The following MYO10 variants were observed in gnomAD, a reference collection of about 807,000 sequenced individuals.
MYO10 encodes the protein unconventional myosin-X.
Under a neutral mutation model 257.3 loss-of-function variants are expected in MYO10, and 133 were observed. The observed-to-expected ratio is 0.52, with a 90% CI of 0.45 to 0.60. The LOEUF (loss-of-function observed/expected upper bound fraction) is 0.60. MYO10 is among the 20% of genes least tolerant of loss of function. The pLI is 0.00. For synonymous variants in MYO10, 1,104 were observed against 1,028.6 expected, an observed-to-expected ratio of 1.07 and a Z score of -1.40; for missense variants, 2,399 against 2,635.7, an observed-to-expected ratio of 0.91 and a Z score of 1.97.
chr5:16,807,199 G>C (rs1307920125), intron 3 of MYO10, among the ~76,000 whole-genome samples: 1 of 152,054 alleles, frequency 6.6e-6, no homozygotes, highest in Non-Finnish European at 1.5e-5. Context: ...TCTTTATCTT[G>C]AGTGCAACTT....
At chr5:16,727,681 T>G (rs1280131834) in intron 19 of MYO10, among the ~76,000 whole-genome samples, 2 of 152,206 alleles carry the variant, frequency 1.3e-5, no homozygotes, top group Non-Finnish European at 2.9e-5. Context: ...TTATATTTAG[T>G]TTTCAGGGAT....
rs536635564 is a variant in MYO10, at chr5:16,888,987, AT to A, written c.22-11281del. Among the ~76,000 whole-genome samples, 56 of 152,148 alleles carry A rather than the reference AT, an allele frequency of 3.7e-4. No individual in the cohort carries two copies. The East Asian group carries it at 6.4e-3, about 17-fold the overall frequency. ...CAGAAGTTTGAGACTAGCCTGGGCA[AT>A]ATGGCAAAACCCTGTTTCTGCAAAA... On this transcript the variant is annotated intron_variant, in intron 1 of 40. Coordinates refer to ENST00000513610, the MANE Select transcript of MYO10 (RefSeq NM_012334.3).
intron 19 of MYO10, among the ~76,000 whole-genome samples, chr5:16,727,057 A>C (rs966883220): frequency 2.0e-5 from 3 of 152,344 alleles, no homozygotes; most frequent in African/African-American, 7.2e-5. Context: ...AGATAATTAC[A>C]CACCAGATTT....
At chr5:16,720,960 G>A (rs1271670568) in intron 19 of MYO10, among the ~76,000 whole-genome samples, 1 of 152,166 alleles carries the variant, frequency 6.6e-6, no homozygotes, top group African/African-American at 2.4e-5. Flanking sequence ...AATACTGTAT[G>A]TGTGGGGCAG....
chr5:16,690,567 G>T (rs1737453461), intron 27 of MYO10, among the ~76,000 whole-genome samples: 1 of 152,120 alleles, frequency 6.6e-6, no homozygotes, highest in Non-Finnish European at 1.5e-5. Flanking sequence ...TCAGGACCCA[G>T]ACAGGCCAGG....
intron 19 of MYO10, chr5:16,738,196 T>C: frequency 1.0e-6 from 1 of 985,134 alleles, no homozygotes; most frequent in Non-Finnish European, 1.2e-6. Flanking sequence ...AGTGAGAAAC[T>C]GGGGGCAGAA....
intron 33 of MYO10, among the ~76,000 whole-genome samples, chr5:16,677,291 T>A (rs1456380560): frequency 1.3e-5 from 2 of 152,176 alleles, no homozygotes; most frequent in African/African-American, 4.8e-5. Flanking sequence ...ATGGACTGAT[T>A]TAGGGTAAGT....
In MYO10 at chr5:16,670,972, C is replaced by T. The variant is rs751971031; in HGVS notation, c.5437G>A (p.Glu1813Lys). The part of the protein sequence containing the change: ...EFAFMFEQAH[E>K]AVIHGHHPAP... ...GGATGGTGGCCATGGATAACCGCTT[C>T]GTGGGCCTGAAAGGAGACAGTCAAC... is the stretch of plus-strand genomic sequence containing the variant. The change falls in exon 39 of 41, where the codon GAA becomes AAA. Residue 1813 changes from glutamate to lysine, a missense_variant. This residue lies in a region of MYO10 where 1,820 missense variants were observed against 1,939.4 expected (regional missense o/e 0.94). Transcript: ENST00000513610. 18 of 1,607,522 alleles carry T rather than the reference C, an allele frequency of 1.1e-5. No individual in the cohort carries two copies. The highest frequency in any genetic ancestry group is 1.7e-4 in the Middle Eastern group (1 of 6,058).
At position 16,666,642 on chromosome 5, in the gene MYO10, C is replaced by T; in HGVS notation, c.*50G>A. On this transcript the variant is annotated 3_prime_UTR_variant, in exon 41 of 41. Transcript: ENST00000513610. ...ATGGCACACTGGAGCCAGCCTAGGC[C>T]AGAGGGTGGTGCGTTCAGGTAGCAA... 1 of 1,485,748 alleles carries T rather than the reference C, an allele frequency of 6.7e-7. No individual in the cohort carries two copies. Among genetic ancestry groups the T allele is most frequent in the Non-Finnish European group, 9.1e-7 (1 of 1,097,202 alleles). 92.0% of individuals were successfully genotyped at this position (1,485,748 alleles called of 1,614,324 possible).
intron 1 of MYO10, among the ~76,000 whole-genome samples, chr5:16,907,746 T>C (rs559516106): frequency 9.5e-4 from 145 of 152,304 alleles, no homozygotes; most frequent in African/African-American, 3.3e-3. Flanking sequence ...GTAACTATCA[T>C]AGAAAACATA....
At position 16,669,185 on chromosome 5, in the gene MYO10, T is replaced by C. The variant is rs189625050; in HGVS notation, c.5884-717A>G. 2.0e-3 allele frequency among the ~76,000 whole-genome samples: 301 copies of C among 151,710 alleles called. 1 individual carries two copies. Among genetic ancestry groups the C allele is most frequent in the African/African-American group, 6.9e-3 (286 of 41,434 alleles). ...ATATCCCTAATAACCAGACATTCTCTGCATCCTCCATGCAAAAGCCAGTAG... is the reference window on the plus strand; with the variant it reads ...ATATCCCTAATAACCAGACATTCTCCGCATCCTCCATGCAAAAGCCAGTAG... On this transcript the variant is annotated intron_variant, in intron 39 of 40. Transcript: ENST00000513610.
At chr5:16,824,970 T>C (rs1383410360) in intron 2 of MYO10, among the ~76,000 whole-genome samples, 1 of 152,198 alleles carries the variant, frequency 6.6e-6, no homozygotes, top group Non-Finnish European at 1.5e-5. Context: ...TATTATGTCA[T>C]ATTATATTCA....
chr5:16,900,106 T>C (rs1340694714), intron 1 of MYO10, among the ~76,000 whole-genome samples: 4 of 152,040 alleles, frequency 2.6e-5, no homozygotes, highest in African/African-American at 4.8e-5. Flanking sequence ...AACACATCTG[T>C]TTCCTAAAGT....
Position 16,701,927 on chromosome 5 carries a change from C to A in MYO10, c.2557-89G>T. 2.8e-6 allele frequency: 4 copies of A among 1,424,536 alleles called. No homozygotes were observed. The South Asian group carries it at 5.7e-5, about 20-fold the overall frequency. 88.2% of individuals were successfully genotyped at this position (1,424,536 alleles called of 1,614,324 possible). A position where few individuals can be genotyped will look rare whatever the true frequency, so the allele number is the denominator to read the frequency against. On this transcript the variant is annotated intron_variant, in intron 24 of 40. Transcript: ENST00000513610. The surrounding 1 kb of genome is among the most constrained non-coding windows in gnomAD (Gnocchi z 8.1). Reference sequence around the variant, plus strand: ...CTTTGCAACCAGGATGAAATATGGTCATTATGAGTTGGACTGTGTCCCCAT... The same window carrying A: ...CTTTGCAACCAGGATGAAATATGGTAATTATGAGTTGGACTGTGTCCCCAT...
At chr5:16,679,601 T>TGCAACCTCTGCCTCGGAGGTTCAA (rs1736893749) in intron 33 of MYO10, among the ~76,000 whole-genome samples, 1 of 149,978 alleles carries the variant, frequency 6.7e-6, no homozygotes, top group East Asian at 2.0e-4. Flanking sequence ...CTCTGCTCAC[T>TGCAACCTCTGCCTCGGAGGTTCAA]GCAACCTCTG....
At chr5:16,911,561 G>A (rs184330315) in intron 1 of MYO10, among the ~76,000 whole-genome samples, 14 of 151,954 alleles carry the variant, frequency 9.2e-5, no homozygotes, top group African/African-American at 3.1e-4. Flanking sequence ...CTGAAACCTC[G>A]TCTCTACAAA....
intron 19 of MYO10, among the ~76,000 whole-genome samples, chr5:16,750,033 G>A (rs117031131): frequency 3.9e-5 from 6 of 152,100 alleles, no homozygotes; most frequent in Non-Finnish European, 7.3e-5. Flanking sequence ...GGGTACCACC[G>A]CCACCGCCCA....
chr5:16,846,950 T>C (rs1580068503), intron 2 of MYO10, among the ~76,000 whole-genome samples: 1 of 151,514 alleles, frequency 6.6e-6, no homozygotes, highest in Middle Eastern at 3.4e-3. Flanking sequence ...AAACCCCATC[T>C]TTACTAAAAA....
intron 3 of MYO10, among the ~76,000 whole-genome samples, chr5:16,813,806 G>C (rs1383715118): frequency 6.6e-6 from 1 of 152,150 alleles, no homozygotes; most frequent in East Asian, 1.9e-4. Flanking sequence ...CAGAGAGAGA[G>C]AAAGAAGACA....
Sources: gnomAD v4.1 joint callset for allele counts (sites outside exome capture counted in the v4.1 genomes callset) on GRCh38, gnomAD v4.1.1 for gene constraint, gnomAD v4.1.1 regional missense constraint, Gnocchi (gnomAD v3.1) non-coding constraint, MANE v1.5 for transcripts, NCBI Gene and HGNC (gene_info 2026-07-23, HGNC 2026-07-21) for gene names.